The following KCNIP1 variants were observed in gnomAD, a reference collection of about 807,000 sequenced individuals.
KCNIP1 encodes the protein A-type potassium channel modulatory protein KCNIP1.
A neutral mutation model predicts 33.0 loss-of-function variants in KCNIP1; 18 were observed. That is an observed-to-expected ratio of 0.55 (90% CI 0.38 to 0.81). KCNIP1 has a LOEUF of 0.81. Ranked by LOEUF, KCNIP1 falls within the 30% of genes least tolerant of loss-of-function variation. The pLI is 0.00. For missense variants in KCNIP1, 238 were observed against 271.6 expected, an observed-to-expected ratio of 0.88 and a Z score of 0.87; for synonymous variants, 93 against 98.3, an observed-to-expected ratio of 0.95 and a Z score of 0.32.
intron 1 of KCNIP1, among the ~76,000 whole-genome samples, chr5:170,677,371 G>A (rs1248223495): frequency 6.6e-6 from 1 of 152,194 alleles, no homozygotes; most frequent in Non-Finnish European, 1.5e-5. Flanking sequence ...ATCAGGGACT[G>A]TGCTGAGCAG....
intron 1 of KCNIP1, among the ~76,000 whole-genome samples, chr5:170,533,482 C>T (rs1197054906): frequency 6.6e-6 from 1 of 152,168 alleles, no homozygotes; most frequent in African/African-American, 2.4e-5. Flanking sequence ...ATCCACGGTG[C>T]CCCCAGGCTG....
chr5:170,721,748 C>G (rs1561783611), intron 3 of KCNIP1, 85 bp from the exon 4 acceptor site: 3 of 1,613,990 alleles, frequency 1.9e-6, no homozygotes, highest in Non-Finnish European at 2.5e-6. Flanking sequence ...TCCTCTCTTT[C>G]TTGTCGAAGC....
At chr5:170,665,551 C>T (rs1761671999) in intron 1 of KCNIP1, among the ~76,000 whole-genome samples, 1 of 152,234 alleles carries the variant, frequency 6.6e-6, no homozygotes, top group African/African-American at 2.4e-5. Flanking sequence ...ATATCCTGCA[C>T]ACCTGGTGAG....
chr5:170,472,016 G>A (rs2113137161), intron 1 of KCNIP1, among the ~76,000 whole-genome samples: 1 of 152,286 alleles, frequency 6.6e-6, no homozygotes, highest in South Asian at 2.1e-4. Context: ...CAGGAGCTGG[G>A]TTTGGGGAAG....
At chr5:170,477,956 G>A (rs182578648) in intron 1 of KCNIP1, among the ~76,000 whole-genome samples, 1 of 152,174 alleles carries the variant, frequency 6.6e-6, no homozygotes, top group Non-Finnish European at 1.5e-5. Context: ...CAATAGAAGT[G>A]CCTCCAGGGA....
chr5:170,421,070 A>G (rs1755476199), intron 1 of KCNIP1, among the ~76,000 whole-genome samples: 1 of 152,170 alleles, frequency 6.6e-6, no homozygotes. Flanking sequence ...CATCAGGGAC[A>G]ATAGCACAGT....
intron 1 of KCNIP1, among the ~76,000 whole-genome samples, chr5:170,517,358 A>G (rs1755162545): frequency 6.6e-6 from 1 of 152,172 alleles, no homozygotes; most frequent in Non-Finnish European, 1.5e-5. Context: ...CCCTCCCCCA[A>G]CATTATTAAC....
At chr5:170,640,552 A>G (rs1271799841) in intron 1 of KCNIP1, among the ~76,000 whole-genome samples, 3 of 152,228 alleles carry the variant, frequency 2.0e-5, no homozygotes, top group African/African-American at 7.2e-5. Context: ...AAAAAATGCA[A>G]TGAAATTTGT....
At chr5:170,636,689 C>T (rs996076431) in intron 1 of KCNIP1, among the ~76,000 whole-genome samples, 2 of 152,044 alleles carry the variant, frequency 1.3e-5, no homozygotes, top group East Asian at 3.9e-4. Flanking sequence ...GCACAGCAAG[C>T]CAGTGTAAAA....
chr5:170,586,522 A>G (rs1482122027), intron 1 of KCNIP1, among the ~76,000 whole-genome samples: 1 of 152,186 alleles, frequency 6.6e-6, no homozygotes, highest in Non-Finnish European at 1.5e-5. Context: ...ACTGTCAGCA[A>G]CAGGAAACTC....
At chr5:170,520,439 C>G (rs1250801144) in intron 1 of KCNIP1, among the ~76,000 whole-genome samples, 3 of 152,194 alleles carry the variant, frequency 2.0e-5, no homozygotes, top group African/African-American at 7.2e-5. Flanking sequence ...AGTTGCGCAG[C>G]CAACTTGAAG....
At chr5:170,409,437 T>G (rs2656846) in intron 1 of KCNIP1, among the ~76,000 whole-genome samples, 148,507 of 152,256 alleles carry the variant, frequency 0.98, 72,436 homozygotes, top group East Asian at 1. Flanking sequence ...AGCCAACAAG[T>G]TCAAGTCACT....
chr5:170,459,425 T>C (rs775437598), intron 1 of KCNIP1, among the ~76,000 whole-genome samples: 1 of 152,198 alleles, frequency 6.6e-6, no homozygotes, highest in Non-Finnish European at 1.5e-5. Context: ...TTCTCCAAGA[T>C]AGACCATATG....
At chr5:170,686,122 C>T (rs1231813285) in intron 1 of KCNIP1, among the ~76,000 whole-genome samples, 2 of 152,090 alleles carry the variant, frequency 1.3e-5, no homozygotes, top group African/African-American at 2.4e-5. Flanking sequence ...GAGCAGATTC[C>T]TAGTACTGAC....
At chr5:170,473,204 T>C (rs981634498) in intron 1 of KCNIP1, among the ~76,000 whole-genome samples, 7 of 152,234 alleles carry the variant, frequency 4.6e-5, no homozygotes, top group Non-Finnish European at 7.3e-5. Context: ...TTTTTTCATA[T>C]GTTTCTTAGC....
chr5:170,579,549 T>TA (rs1261808342), intron 1 of KCNIP1, among the ~76,000 whole-genome samples: 3 of 152,136 alleles, frequency 2.0e-5, no homozygotes, highest in Non-Finnish European at 4.4e-5. Context: ...TCATGTGCAT[T>TA]GCTTCACTGT....
At chr5:170,629,136 C>T (rs1390541167) in intron 1 of KCNIP1, among the ~76,000 whole-genome samples, 1 of 152,184 alleles carries the variant, frequency 6.6e-6, no homozygotes, top group African/African-American at 2.4e-5. Flanking sequence ...ACATACGCAT[C>T]GATCTCATGC....
intron 1 of KCNIP1, among the ~76,000 whole-genome samples, chr5:170,625,406 C>G (rs1205877994): frequency 6.6e-6 from 1 of 152,192 alleles, no homozygotes; most frequent in Non-Finnish European, 1.5e-5. Context: ...GCTCAGGACC[C>G]CTGGCTGCGG....
intron 1 of KCNIP1, among the ~76,000 whole-genome samples, chr5:170,656,240 A>C (rs952933571): frequency 8.5e-5 from 13 of 152,224 alleles, no homozygotes; most frequent in Non-Finnish European, 1.9e-4. Flanking sequence ...GTTTTCCCAG[A>C]ATGAAGCTCA....
Sources: allele counts gnomAD v4.1 joint callset (sites outside exome capture counted in the v4.1 genomes callset), GRCh38; gene constraint gnomAD v4.1.1; transcripts MANE v1.5; gene names NCBI Gene and HGNC (gene_info 2026-07-23, HGNC 2026-07-21).